The following KDM4C variants were observed in gnomAD, a reference collection of about 807,000 sequenced individuals.
KDM4C encodes lysine-specific demethylase 4C.
A neutral mutation model predicts 129.3 loss-of-function variants in KDM4C; 81 were observed. That is an observed-to-expected ratio of 0.63 (90% CI 0.52 to 0.75). The LOEUF is 0.75. KDM4C is among the 30% of genes least tolerant of loss of function. KDM4C has a pLI of 0.00. For missense variants in KDM4C, 1,457 were observed against 1,304.0 expected (o/e 1.12, Z -1.81); for synonymous variants, 573 against 456.1 (o/e 1.26, Z -3.26).
intron 10 of KDM4C, among the ~76,000 whole-genome samples, chr9:6,984,965 C>T (rs927144869): frequency 6.6e-6 from 1 of 152,060 alleles, no homozygotes; most frequent in Non-Finnish European, 1.5e-5. Context: ...TAGTGATTTG[C>T]CTCTTTCATA....
chr9:6,826,594 G>A (rs893062243), intron 4 of KDM4C, among the ~76,000 whole-genome samples: 2 of 152,060 alleles, frequency 1.3e-5, no homozygotes, highest in African/African-American at 4.8e-5. Flanking sequence ...GGCCGGGCGC[G>A]GTGGCTTATG....
upstream of KDM4C, among the ~76,000 whole-genome samples, chr9:6,755,973 A>G (rs1450728902): frequency 6.6e-6 from 1 of 152,218 alleles, no homozygotes; most frequent in Middle Eastern, 3.2e-3. Flanking sequence ...AGGTTCGTAT[A>G]TCCACTTCAG....
intron 12 of KDM4C, among the ~76,000 whole-genome samples, chr9:6,992,940 C>T (rs1430719491): frequency 2.0e-5 from 3 of 152,194 alleles, no homozygotes; most frequent in African/African-American, 7.2e-5. Flanking sequence ...TGGTCCAGGA[C>T]CTCTGGGAGC....
intron 6 of KDM4C, among the ~76,000 whole-genome samples, chr9:6,883,575 A>G (rs1045854975): frequency 6.6e-6 from 1 of 152,222 alleles, no homozygotes. Flanking sequence ...GGGATTTTAG[A>G]CATCGGGCAA....
intron 1 of KDM4C, among the ~76,000 whole-genome samples, chr9:6,776,786 G>C (rs941551888): frequency 6.6e-6 from 1 of 151,300 alleles, no homozygotes; most frequent in South Asian, 2.1e-4. Flanking sequence ...GTTATTTTTA[G>C]TAGAGACAGG....
intron 1 of KDM4C, among the ~76,000 whole-genome samples, chr9:6,721,707 G>A (rs1269523930): frequency 6.6e-6 from 1 of 151,552 alleles, no homozygotes; most frequent in Non-Finnish European, 1.5e-5. Flanking sequence ...TCCTGCCTCA[G>A]CCTCCTGAGT....
At chr9:7,038,816 G>A (rs1319099087) in intron 15 of KDM4C, among the ~76,000 whole-genome samples, 2 of 151,816 alleles carry the variant, frequency 1.3e-5, no homozygotes, top group Admixed American at 1.3e-4. Context: ...AAAATGTAAG[G>A]TTAGATCTCA....
At chr9:6,856,551 T>C (rs1588721108) in intron 5 of KDM4C, among the ~76,000 whole-genome samples, 1 of 135,666 alleles carries the variant, frequency 7.4e-6, no homozygotes, top group African/African-American at 2.9e-5. Context: ...TGTGTGTGTG[T>C]GTGTGTGTGT....
intron 5 of KDM4C, among the ~76,000 whole-genome samples, chr9:6,877,769 G>A (rs967873118): frequency 6.6e-6 from 1 of 152,164 alleles, no homozygotes; most frequent in South Asian, 2.1e-4. Flanking sequence ...ATTAAAATTA[G>A]TCTTTCCTAG....
At chr9:7,142,974 T>G (rs1185157794) in intron 19 of KDM4C, among the ~76,000 whole-genome samples, 1 of 152,214 alleles carries the variant, frequency 6.6e-6, no homozygotes, top group South Asian at 2.1e-4. Context: ...TTACTGTTAA[T>G]TGGATGATGT....
chr9:6,866,941 ATG>A (rs1279254354), intron 5 of KDM4C, among the ~76,000 whole-genome samples: 2 of 146,556 alleles, frequency 1.4e-5, no homozygotes, highest in African/African-American at 5.0e-5. Flanking sequence ...GTATGTAAAA[ATG>A]TATATATGTG....
chr9:7,049,408 C>A (rs1239700895), intron 17 of KDM4C, among the ~76,000 whole-genome samples: 1 of 152,042 alleles, frequency 6.6e-6, no homozygotes, highest in Non-Finnish European at 1.5e-5. Flanking sequence ...TCCTCAATTT[C>A]TGTCTGAAAT....
intron 6 of KDM4C, among the ~76,000 whole-genome samples, chr9:6,882,923 A>G (rs895055518): frequency 1.1e-4 from 17 of 152,134 alleles, no homozygotes; most frequent in African/African-American, 3.4e-4. Flanking sequence ...GCCAGGGGGT[A>G]GATAAAGGTC....
At chr9:6,726,892 C>G (rs750459383) in intron 1 of KDM4C, 1 of 152,014 alleles carries the variant, frequency 6.6e-6, no homozygotes, top group African/African-American at 2.4e-5. Flanking sequence ...TACGCCACCA[C>G]GCCTGGCTAA....
Position 6,850,803 on chromosome 9 carries a change from G to A in KDM4C, c.629+1103G>A, listed in dbSNP as rs140906619. Among the ~76,000 whole-genome samples the A allele has an allele frequency of 1.5e-3, 226 of 152,198 alleles. 3 individuals are homozygous for A. Among genetic ancestry groups the A allele is most frequent in the African/African-American group, 4.5e-3 (188 of 41,542 alleles). On this transcript the variant is annotated intron_variant, in intron 5 of 21. Coordinates refer to ENST00000381309, the MANE Select transcript of KDM4C (RefSeq NM_015061.6). ...AGGGTCTCACTCTGTTGCCCAGGCT[G>A]GAGTGCAGTGGTGCGATCTCGGCTC... is the stretch of plus-strand genomic sequence containing the variant.
intron 12 of KDM4C, among the ~76,000 whole-genome samples, chr9:7,006,793 G>C (rs1821754081): frequency 6.6e-6 from 1 of 152,142 alleles, no homozygotes; most frequent in Non-Finnish European, 1.5e-5. Context: ...GAAATATTCA[G>C]AGTAAGAGGT....
chr9:6,790,326 G>A (rs1588280711), intron 1 of KDM4C, among the ~76,000 whole-genome samples: 1 of 150,990 alleles, frequency 6.6e-6, no homozygotes, highest in Non-Finnish European at 1.5e-5. Context: ...CTCACTGCAA[G>A]CTCCGCCTCC....
intron 19 of KDM4C, among the ~76,000 whole-genome samples, chr9:7,153,102 T>G (rs1029183820): frequency 1.3e-5 from 2 of 152,312 alleles, no homozygotes; most frequent in African/African-American, 4.8e-5. Context: ...AAAATACTTT[T>G]TCTTCTTTTT....
intron 4 of KDM4C, among the ~76,000 whole-genome samples, chr9:6,828,258 C>T (rs1230918367): frequency 6.6e-6 from 1 of 152,104 alleles, no homozygotes. Context: ...GGCCATTCTC[C>T]TGTCTCAGCC....
Sources: allele counts gnomAD v4.1 joint callset (sites outside exome capture counted in the v4.1 genomes callset), GRCh38; gene constraint gnomAD v4.1.1; transcripts MANE v1.5; gene names NCBI Gene and HGNC (gene_info 2026-07-23, HGNC 2026-07-21).